Variants in BCHE observed in about 807,000 individuals in gnomAD.
BCHE encodes butyrylcholinesterase.
Under a neutral mutation model 51.3 loss-of-function variants are expected in BCHE, and 48 were observed. That is an observed-to-expected ratio of 0.94 (90% CI 0.74 to 1.19). The LOEUF (loss-of-function observed/expected upper bound fraction) is 1.19. BCHE is among the 50% of genes most tolerant of loss of function. BCHE has a pLI of 0.00. For synonymous variants in BCHE, 251 were observed against 238.0 expected (o/e 1.05, Z -0.50); for missense variants, 847 against 708.2 (o/e 1.20, Z -2.23).
chr3:165,837,053 G>C lies in BCHE; in HGVS notation c.-9+261C>G, dbSNP rs1180281876. ...TCACAGTGATTCCACACGTGCTATG[G>C]TCCTTTATACAGAGTTGAATAAATT... On this transcript the variant is annotated intron_variant, in intron 1 of 3. Transcript: ENST00000264381. Among the ~76,000 whole-genome samples the C allele has an allele frequency of 2.6e-5, 4 of 152,100 alleles. No homozygotes were observed. In the East Asian group the frequency reaches 7.7e-4, roughly 29 times the overall value.
intron 3 of BCHE, among the ~76,000 whole-genome samples, chr3:165,781,973 A>G (rs1007741458): frequency 9.2e-5 from 14 of 152,172 alleles, no homozygotes; most frequent in Non-Finnish European, 1.5e-4. Flanking sequence ...AACAACTCAT[A>G]TTGTTGACCT....
intron 1 of BCHE, among the ~76,000 whole-genome samples, chr3:165,832,901 G>T (rs1411506049): frequency 6.6e-6 from 1 of 151,988 alleles, no homozygotes; most frequent in East Asian, 1.9e-4. Context: ...TTCACCAATG[G>T]TCATAGGATA....
chr3:165,817,508 T>C (rs1269198301), intron 2 of BCHE, among the ~76,000 whole-genome samples: 3 of 152,018 alleles, frequency 2.0e-5, no homozygotes, highest in Non-Finnish European at 4.4e-5. Context: ...CACTTCCCCT[T>C]CACATACCTA....
chr3:165,775,673 A>AT (rs1712443208), intron 3 of BCHE, among the ~76,000 whole-genome samples: 3 of 151,778 alleles, frequency 2.0e-5, no homozygotes, highest in African/African-American at 2.4e-5. Flanking sequence ...ATAAATTTAC[A>AT]TTTTTTCCTA....
chr3:165,803,008 G>A (rs1713727638), intron 2 of BCHE, among the ~76,000 whole-genome samples: 1 of 152,106 alleles, frequency 6.6e-6, no homozygotes, highest in African/African-American at 2.4e-5. Flanking sequence ...CAAAGTGCTG[G>A]GATTACAGGC....
At chr3:165,802,598 T>C (rs1713699676) in intron 2 of BCHE, among the ~76,000 whole-genome samples, 1 of 151,548 alleles carries the variant, frequency 6.6e-6, no homozygotes, top group African/African-American at 2.4e-5. Flanking sequence ...TGATGTGGAA[T>C]GGGGAAAAAT....
intron 2 of BCHE, among the ~76,000 whole-genome samples, chr3:165,817,204 T>C (rs1576861992): frequency 1.3e-5 from 2 of 152,070 alleles, no homozygotes; most frequent in African/African-American, 4.8e-5. Flanking sequence ...CAGCAAATAT[T>C]GTCAGACCTT....
At chr3:165,808,505 C>T (rs1713958954) in intron 2 of BCHE, among the ~76,000 whole-genome samples, 1 of 151,854 alleles carries the variant, frequency 6.6e-6, no homozygotes, top group Admixed American at 6.6e-5. Context: ...ACTTTAGTCA[C>T]TTTTATGAAC....
intron 2 of BCHE, among the ~76,000 whole-genome samples, chr3:165,827,692 G>A (rs1233304614): frequency 6.6e-6 from 1 of 151,874 alleles, no homozygotes; most frequent in East Asian, 1.9e-4. Context: ...ACAGTTCCTA[G>A]AATTTAAAGA....
intron 2 of BCHE, among the ~76,000 whole-genome samples, chr3:165,817,628 C>T (rs771507789): frequency 3.3e-5 from 5 of 152,006 alleles, no homozygotes; most frequent in Non-Finnish European, 7.4e-5. Flanking sequence ...ACATGATTTA[C>T]TCTGTCCCTC....
rs139888872 is a variant in BCHE at position 165,806,427 on chromosome 3, T to A, written c.1518-20116A>T. Among the ~76,000 whole-genome samples the A allele has an allele frequency of 9.0e-3, 1,374 of 152,340 alleles. 11 individuals are homozygous for A. Among genetic ancestry groups the A allele is most frequent in the Middle Eastern group, 0.034 (10 of 294 alleles). ...GTTAATCATAGTATAGTTCTCATTA[T>A]GTGGTTTGGTAAATTGCTTATTTGC... On this transcript the variant is annotated intron_variant, in intron 2 of 3. Coordinates refer to ENST00000264381, the MANE Select transcript of BCHE (RefSeq NM_000055.4).
Position 165,830,006 on chromosome 3 carries a change from G to T in BCHE, c.1028C>A (p.Thr343Asn), listed in dbSNP as rs1714891700. 1.2e-6 allele frequency: 2 copies of T among 1,613,554 alleles called. No homozygotes were observed. Among genetic ancestry groups the T allele is most frequent in the South Asian group, 1.1e-5 (1 of 91,066 alleles). ...ILLELGQFKK[T>N]QILVGVNKDE... The stretch of plus-strand genomic sequence containing the variant: ...TTTATTAACACCCACCAAAATCTGG[G>T]TTTTTTTAAATTGTCCAAGTTCAAG... Residue 343 changes from threonine to asparagine, a missense_variant, in exon 2 of 4, where the codon ACC becomes AAC. Thr to Asn is a moderately conservative substitution (Grantham distance 65). Coordinates refer to ENST00000264381, the MANE Select transcript of BCHE (RefSeq NM_000055.4).
At chr3:165,777,378 A>AC (rs1013105477) in intron 3 of BCHE, among the ~76,000 whole-genome samples, 2 of 151,908 alleles carry the variant, frequency 1.3e-5, no homozygotes, top group Middle Eastern at 3.4e-3. Context: ...ATTAGTTATC[A>AC]CCCCAATAAA....
At chr3:165,780,571 G>C (rs1712655551) in intron 3 of BCHE, among the ~76,000 whole-genome samples, 1 of 151,776 alleles carries the variant, frequency 6.6e-6, no homozygotes, top group Non-Finnish European at 1.5e-5. Context: ...TAAGAGAAAA[G>C]CAAACAACCC....
chr3:165,786,615 C>T (rs961346762), intron 2 of BCHE, among the ~76,000 whole-genome samples: 1 of 151,670 alleles, frequency 6.6e-6, no homozygotes, highest in African/African-American at 2.4e-5. Context: ...CACACTTAAA[C>T]GTGCTCAAAG....
intron 3 of BCHE, among the ~76,000 whole-genome samples, chr3:165,781,823 G>A (rs1425177835): frequency 1.3e-5 from 2 of 151,880 alleles, no homozygotes; most frequent in African/African-American, 2.4e-5. Context: ...TTAAAATCTG[G>A]CAGATTATAA....
chr3:165,831,039 T>G lies in BCHE; in HGVS notation c.-6A>C. On this transcript the variant is annotated splice_region_variant and 5_prime_UTR_variant, in exon 2 of 4. Transcript: ENST00000264381. ...ATTGTGACTTTGCTATGCATATTGA[T>G]TTCTGAAAGAGAGGTAAGTATAATG... The G allele has an allele frequency of 6.2e-7, 1 of 1,607,966 alleles. No homozygotes were observed.
At chr3:165,805,731 T>G (rs1713843249) in intron 2 of BCHE, among the ~76,000 whole-genome samples, 1 of 152,198 alleles carries the variant, frequency 6.6e-6, no homozygotes. Flanking sequence ...TCTTTGCCTT[T>G]AGAAATGACA....
intron 2 of BCHE, among the ~76,000 whole-genome samples, chr3:165,826,423 A>C (rs1484528111): frequency 6.6e-6 from 1 of 152,158 alleles, no homozygotes; most frequent in Non-Finnish European, 1.5e-5. Context: ...CATGAATATA[A>C]AGCTCTAGAA....
Sources: gnomAD v4.1 joint callset for allele counts (sites outside exome capture counted in the v4.1 genomes callset) on GRCh38, gnomAD v4.1.1 for gene constraint, MANE v1.5 for transcripts, NCBI Gene and HGNC (gene_info 2026-07-23, HGNC 2026-07-21) for gene names.